Variants in CDH4 observed in about 807,000 individuals in gnomAD.
CDH4 encodes cadherin-4.
Under a neutral mutation model 86.0 loss-of-function variants are expected in CDH4, and 33 were observed. The observed-to-expected ratio is 0.38, with a 90% confidence interval of 0.29 to 0.51. The LOEUF (loss-of-function observed/expected upper bound fraction) is 0.51. CDH4 is among the 20% of genes least tolerant of loss of function. CDH4 has a pLI of 0.86. For synonymous variants in CDH4, 555 were observed against 549.4 expected (o/e 1.01, Z -0.14); for missense variants, 1,114 against 1,307.4 (o/e 0.85, Z 2.28).
At chr20:61,395,198 A>G (rs190828007) in intron 2 of CDH4, among the ~76,000 whole-genome samples, 2,522 of 152,116 alleles carry the variant, frequency 0.017, 35 homozygotes, top group Non-Finnish European at 0.023. Context: ...AATGCTGAGG[A>G]ACTCATCCAG....
chr20:61,691,451 A>T (rs887932161), intron 2 of CDH4, among the ~76,000 whole-genome samples: 4 of 150,968 alleles, frequency 2.6e-5, no homozygotes, highest in African/African-American at 9.7e-5. Context: ...GTCTGTGTGT[A>T]TGTGTGTGCA....
chr20:61,865,699 G>T (rs1720909271), intron 6 of CDH4, among the ~76,000 whole-genome samples: 1 of 151,760 alleles, frequency 6.6e-6, no homozygotes, highest in Admixed American at 6.6e-5. Flanking sequence ...TGGCTGGTTT[G>T]TGTATGTAAT....
chr20:61,667,781 G>T (rs1480470150), intron 2 of CDH4, among the ~76,000 whole-genome samples: 1 of 152,228 alleles, frequency 6.6e-6, no homozygotes, highest in East Asian at 1.9e-4. Context: ...TGGGTCCTCG[G>T]TGAGTTTCCT....
chr20:61,815,818 A>G (rs1382623133), intron 4 of CDH4, among the ~76,000 whole-genome samples: 2 of 152,234 alleles, frequency 1.3e-5, no homozygotes, highest in Non-Finnish European at 2.9e-5. Context: ...TGCCCCAGCC[A>G]GAAATGCAAA....
At chr20:61,649,760 C>T (rs955204481) in intron 2 of CDH4, among the ~76,000 whole-genome samples, 9 of 152,182 alleles carry the variant, frequency 5.9e-5, no homozygotes, top group African/African-American at 1.9e-4. Flanking sequence ...CATGGCGGGC[C>T]GTGAGCAGGT....
At chr20:61,506,073 AC>A (rs2085739362) in intron 2 of CDH4, among the ~76,000 whole-genome samples, 1 of 152,248 alleles carries the variant, frequency 6.6e-6, no homozygotes, top group Admixed American at 6.5e-5. Context: ...AATGTGGAGA[AC>A]AAAACCAAAG....
At chr20:61,654,577 T>C (rs2087166708) in intron 2 of CDH4, among the ~76,000 whole-genome samples, 1 of 152,270 alleles carries the variant, frequency 6.6e-6, no homozygotes, top group Non-Finnish European at 1.5e-5. Flanking sequence ...CACCTGGCTC[T>C]TTTGTAATTT....
At chr20:61,742,651 G>A (rs1244124628) in intron 2 of CDH4, among the ~76,000 whole-genome samples, 4 of 152,160 alleles carry the variant, frequency 2.6e-5, no homozygotes, top group African/African-American at 7.2e-5. Context: ...AATGTGACAC[G>A]GGCTGTGGGT....
At chr20:61,720,410 G>T (rs146709373) in intron 2 of CDH4, among the ~76,000 whole-genome samples, 4 of 145,716 alleles carry the variant, frequency 2.7e-5, no homozygotes, top group African/African-American at 1.0e-4. Context: ...GGTGCGAAGT[G>T]TAAGTGTGTA....
chr20:61,769,948 C>T (rs1212576973), intron 3 of CDH4, among the ~76,000 whole-genome samples: 1 of 152,208 alleles, frequency 6.6e-6, no homozygotes. Context: ...TCTTGGAGGA[C>T]AGGTGGGATG....
chr20:61,846,878 G>C (rs991684147), intron 5 of CDH4, among the ~76,000 whole-genome samples: 1 of 151,858 alleles, frequency 6.6e-6, no homozygotes, highest in Non-Finnish European at 1.5e-5. Context: ...AGGAGAGCTG[G>C]GTCAGCCCAC....
intron 4 of CDH4, among the ~76,000 whole-genome samples, chr20:61,817,716 G>A (rs796965559): frequency 5.3e-5 from 8 of 152,272 alleles, no homozygotes; most frequent in South Asian, 4.1e-4. Context: ...CACACGTGCC[G>A]CCTGCCTGGA....
rs187298845 is a variant in CDH4, at chr20:61,324,804, C to T, written c.169+69867C>T. Among the ~76,000 whole-genome samples, 1,017 of 152,276 alleles carry T rather than the reference C, an allele frequency of 6.7e-3. 7 individuals carry two copies. Among genetic ancestry groups the T allele is most frequent in the African/African-American group, 0.015 (636 of 41,536 alleles). The stretch of plus-strand genomic sequence containing the variant: ...GCCCTAAGTCATCTTCAAGGCACTT[C>T]GGCTGTGTGTCCATCTGCACACCTC... On this transcript the variant is annotated intron_variant, in intron 2 of 15. Coordinates refer to ENST00000614565, the MANE Select transcript of CDH4 (RefSeq NM_001794.5).
At chr20:61,855,612 C>T (rs190128066) in intron 6 of CDH4, among the ~76,000 whole-genome samples, 11 of 152,332 alleles carry the variant, frequency 7.2e-5, no homozygotes, top group Admixed American at 2.0e-4. Context: ...TCAAACCTCC[C>T]GTGTCTTACT....
intron 2 of CDH4, among the ~76,000 whole-genome samples, chr20:61,559,524 T>C (rs1334665744): frequency 5.8e-5 from 8 of 138,590 alleles, no homozygotes; most frequent in Admixed American, 1.4e-4. Context: ...TTTTTCTTTT[T>C]TTTTTTTTTT....
chr20:61,855,817 G>A (rs919396942), intron 6 of CDH4, among the ~76,000 whole-genome samples: 6 of 152,350 alleles, frequency 3.9e-5, no homozygotes, highest in African/African-American at 1.4e-4. Context: ...GGACCCCGGA[G>A]TCAGCCCTTC....
rs549213658 is a variant in CDH4 at position 61,472,388 on chromosome 20, G to A, written c.169+217451G>A. Among the ~76,000 whole-genome samples, 399 of 152,220 alleles carry A rather than the reference G, an allele frequency of 2.6e-3. 4 individuals carry two copies. The highest frequency in any genetic ancestry group is 5.1e-3 in the Non-Finnish European group (347 of 68,004). On this transcript the variant is annotated intron_variant, in intron 2 of 15. Coordinates refer to ENST00000614565, the MANE Select transcript of CDH4 (RefSeq NM_001794.5). ...CCATTCTGAATTATTGACAAGTAAA[G>A]ACTTACTCCTGCCATTTTATTATGT... is the stretch of plus-strand genomic sequence containing the variant.
intron 2 of CDH4, among the ~76,000 whole-genome samples, chr20:61,304,477 C>T (rs572561410): frequency 4.6e-5 from 7 of 152,000 alleles, no homozygotes; most frequent in Admixed American, 3.3e-4. Context: ...CGCCTTTGGT[C>T]GTGTTGTGTG....
chr20:61,836,375 G>A (rs2146088944), intron 4 of CDH4, among the ~76,000 whole-genome samples: 1 of 152,302 alleles, frequency 6.6e-6, no homozygotes, highest in South Asian at 2.1e-4. Context: ...TCCCCACCGG[G>A]CAGATCTGTG....
Sources: allele counts gnomAD v4.1 joint callset (sites outside exome capture counted in the v4.1 genomes callset), GRCh38; gene constraint gnomAD v4.1.1; transcripts MANE v1.5; gene names NCBI Gene and HGNC (gene_info 2026-07-23, HGNC 2026-07-21).